The following VWC2L variants were observed in gnomAD, a reference collection of about 807,000 sequenced individuals.
The protein encoded by VWC2L is von Willebrand factor C domain-containing protein 2-like.
A neutral mutation model predicts 21.6 loss-of-function variants in VWC2L; 10 were observed. That is an observed-to-expected ratio of 0.46 (90% CI 0.29 to 0.78). The LOEUF (loss-of-function observed/expected upper bound fraction) is 0.78. VWC2L is among the 30% of genes least tolerant of loss of function. The pLI is 0.10. For missense variants in VWC2L, 209 were observed against 277.1 expected (o/e 0.75, Z 1.74); for synonymous variants, 96 against 94.3 (o/e 1.02, Z -0.10).
intron 3 of VWC2L, among the ~76,000 whole-genome samples, chr2:214,563,578 A>G (rs12989215): frequency 0.7 from 92,758 of 133,462 alleles, 34,860 homozygotes; most frequent in East Asian, 0.84. Context: ...AAAAAAAAAA[A>G]AAATCAAGTG....
At chr2:214,494,230 C>A (rs1202266820) in intron 3 of VWC2L, among the ~76,000 whole-genome samples, 1 of 152,134 alleles carries the variant, frequency 6.6e-6, no homozygotes, top group African/African-American at 2.4e-5. Context: ...TTTCTTGCTA[C>A]AATGCCTTTA....
At chr2:214,461,784 C>T (rs1265330084) in intron 3 of VWC2L, among the ~76,000 whole-genome samples, 1 of 152,104 alleles carries the variant, frequency 6.6e-6, no homozygotes, top group Non-Finnish European at 1.5e-5. Context: ...GAGGTAATGG[C>T]AGTGGCGGCA....
intron 3 of VWC2L, among the ~76,000 whole-genome samples, chr2:214,522,876 A>T (rs1286895072): frequency 1.3e-5 from 2 of 151,548 alleles, no homozygotes; most frequent in African/African-American, 4.9e-5. Flanking sequence ...CACAATACAC[A>T]GAACAATACG....
At chr2:214,443,457 G>A (rs1702792321) in intron 3 of VWC2L, among the ~76,000 whole-genome samples, 1 of 152,070 alleles carries the variant, frequency 6.6e-6, no homozygotes, top group South Asian at 2.1e-4. Context: ...GCAAACAGAA[G>A]CTAGCAGCAG....
intron 3 of VWC2L, among the ~76,000 whole-genome samples, chr2:214,437,041 G>A (rs1373797692): frequency 2.0e-5 from 3 of 152,248 alleles, no homozygotes; most frequent in East Asian, 3.9e-4. Flanking sequence ...AAAGAACACA[G>A]TACCATCCTT....
chr2:214,528,955 C>A (rs992471617), intron 3 of VWC2L, among the ~76,000 whole-genome samples: 1 of 152,202 alleles, frequency 6.6e-6, no homozygotes, highest in Middle Eastern at 3.4e-3. Context: ...TGCCATTATG[C>A]AATTATTTTC....
chr2:214,498,001 T>C (rs1352715646), intron 3 of VWC2L, among the ~76,000 whole-genome samples: 1 of 152,178 alleles, frequency 6.6e-6, no homozygotes, highest in African/African-American at 2.4e-5. Context: ...ATCATGTGAC[T>C]GACATGATGA....
chr2:214,451,784 A>C (rs950297489), intron 3 of VWC2L, among the ~76,000 whole-genome samples: 1 of 152,150 alleles, frequency 6.6e-6, no homozygotes, highest in Non-Finnish European at 1.5e-5. Context: ...TTCAAGTAAC[A>C]TATTCTTTCT....
rs528727574 is a variant in VWC2L at position 214,556,001 on chromosome 2, G to GCAC, written c.521-19669_521-19667dup. Among the ~76,000 whole-genome samples the GCAC allele has an allele frequency of 4.6e-5, 7 of 152,290 alleles. No homozygotes were observed. The South Asian group carries it at 1.4e-3, about 32-fold the overall frequency. On this transcript the variant is annotated intron_variant, in intron 3 of 3. Transcript: ENST00000312504. ...AAAATGTATTCTCTGAGACAAAATAGCACCTCCAAGTGTGTTCACCAGCAC... is the reference window on the plus strand; with the variant it reads ...AAAATGTATTCTCTGAGACAAAATAGCACCACCTCCAAGTGTGTTCACCAGCAC...
In VWC2L at chr2:214,516,656, TAA is replaced by T. The variant is rs11344455; in HGVS notation, c.521-59002_521-59001del. Reference sequence around the variant, plus strand: ...TGCCAGAGAAACAGCCTTTTGAAATTAAAAAAAAAAAAAAAGGAAGCTGGGGA... The same window carrying T: ...TGCCAGAGAAACAGCCTTTTGAAATTAAAAAAAAAAAAAGGAAGCTGGGGA... On this transcript the variant is annotated intron_variant, in intron 3 of 3. Transcript: ENST00000312504. Among the ~76,000 whole-genome samples the T allele has an allele frequency of 3.2e-3, 466 of 143,456 alleles. 1 individual carries two copies. The highest frequency in any genetic ancestry group is 8.2e-3 in the African/African-American group (320 of 38,922). The allele number at this position is 143,456 out of a possible 152,430, so 94.1% of individuals were successfully genotyped here.
chr2:214,564,169 G>A (rs112654418), intron 3 of VWC2L, among the ~76,000 whole-genome samples: 30 of 152,210 alleles, frequency 2.0e-4, no homozygotes, highest in African/African-American at 6.7e-4. Flanking sequence ...AAATCAGAGA[G>A]GACACAAACA....
At chr2:214,433,486 C>G (rs931495584) in intron 2 of VWC2L, among the ~76,000 whole-genome samples, 12 of 152,084 alleles carry the variant, frequency 7.9e-5, no homozygotes, top group Non-Finnish European at 1.6e-4. Flanking sequence ...TTCTCTGTTT[C>G]TCTAAGGATA....
chr2:214,495,328 G>T (rs1323918819), intron 3 of VWC2L, among the ~76,000 whole-genome samples: 1 of 152,128 alleles, frequency 6.6e-6, no homozygotes, highest in Non-Finnish European at 1.5e-5. Context: ...CTGAGGGCCT[G>T]CTCAGAGGTT....
intron 3 of VWC2L, among the ~76,000 whole-genome samples, chr2:214,461,455 G>A (rs918582798): frequency 1.3e-5 from 2 of 152,208 alleles, no homozygotes; most frequent in Non-Finnish European, 2.9e-5. Context: ...CCAGGTGAGT[G>A]TTGGCAGTAG....
chr2:214,443,452 CAG>C (rs1368256652), intron 3 of VWC2L, among the ~76,000 whole-genome samples: 2 of 151,856 alleles, frequency 1.3e-5, no homozygotes, highest in Non-Finnish European at 2.9e-5. Context: ...TGTTAGCAAA[CAG>C]AAGCTAGCAG....
chr2:214,413,786 T>C (rs1702313232), intron 1 of VWC2L, among the ~76,000 whole-genome samples: 1 of 152,180 alleles, frequency 6.6e-6, no homozygotes, highest in Non-Finnish European at 1.5e-5. Flanking sequence ...CTTGAGCTAT[T>C]TGTAAGTTAC....
At chr2:214,562,240 AGT>A (rs1342969458) in intron 3 of VWC2L, among the ~76,000 whole-genome samples, 4 of 151,822 alleles carry the variant, frequency 2.6e-5, no homozygotes, top group Non-Finnish European at 5.9e-5. Flanking sequence ...GAGAACATGC[AGT>A]GTTTGGTTTT....
intron 3 of VWC2L, among the ~76,000 whole-genome samples, chr2:214,485,297 ACT>A (rs1365016790): frequency 1.3e-5 from 2 of 151,560 alleles, no homozygotes; most frequent in South Asian, 2.1e-4. Flanking sequence ...ACAGAGCAAG[ACT>A]CTGTCTTTAA....
intron 3 of VWC2L, among the ~76,000 whole-genome samples, chr2:214,490,469 A>G (rs1688730949): frequency 6.6e-6 from 1 of 152,116 alleles, no homozygotes; most frequent in Non-Finnish European, 1.5e-5. Flanking sequence ...TGAAGCATAT[A>G]GATGGGAAGG....
Sources: allele counts gnomAD v4.1 joint callset (sites outside exome capture counted in the v4.1 genomes callset), GRCh38; gene constraint gnomAD v4.1.1; transcripts MANE v1.5; gene names NCBI Gene and HGNC (gene_info 2026-07-23, HGNC 2026-07-21).